Variants in CEP192 observed in about 807,000 individuals in gnomAD.
The protein encoded by CEP192 is centrosomal protein 192, also known as centrosomal protein of 192 kDa.
Under a neutral mutation model 271.8 loss-of-function variants are expected in CEP192, and 151 were observed. The observed-to-expected ratio is 0.56, with a 90% CI of 0.49 to 0.64. The LOEUF (loss-of-function observed/expected upper bound fraction) is 0.64, where lower values mean the gene tolerates loss of function less well. Ranked by LOEUF, CEP192 falls within the 30% of genes least tolerant of loss-of-function variation. The probability of loss-of-function intolerance (pLI) is 0.00; values close to 1 mark genes in which losing one functional copy is unlikely to be tolerated. For synonymous variants in CEP192, 995 were observed against 1,076.5 expected, an observed-to-expected ratio of 0.92 and a Z score of 1.48; for missense variants, 2,910 against 3,020.5, an observed-to-expected ratio of 0.96 and a Z score of 0.86.
chr18:13,054,867 C>T (rs2036997780), intron 18 of CEP192, among the ~76,000 whole-genome samples: 1 of 152,202 alleles, frequency 6.6e-6, no homozygotes, highest in Non-Finnish European at 1.5e-5. Context: ...GATGTCACTC[C>T]TCAGATTATG....
At chr18:13,095,828 C>T (rs1011079881) in intron 35 of CEP192, 147 bp downstream of exon 35, 4 of 711,334 alleles carry the variant, frequency 5.6e-6, no homozygotes, top group Middle Eastern at 4.0e-4. Context: ...TGTTGGAGAC[C>T]CCACTCAGAC....
chr18:13,082,060 G>A (rs923843848), intron 30 of CEP192, among the ~76,000 whole-genome samples: 5 of 152,206 alleles, frequency 3.3e-5, no homozygotes, highest in Admixed American at 3.3e-4. Flanking sequence ...GTGATGTGGT[G>A]CTGAGAAGAA....
chr18:13,112,768 GTTA>G lies in CEP192; in HGVS notation c.7048-813_7048-811del, dbSNP rs554545714. Reference sequence around the variant, plus strand: ...AAAGCCTTGAGCTCAGGCTGGCTGGGTTATTATGTTTAAGGTTCTGCGTGGGCA... The same window carrying G: ...AAAGCCTTGAGCTCAGGCTGGCTGGGTTATGTTTAAGGTTCTGCGTGGGCA... On this transcript the variant is annotated intron_variant, in intron 40 of 44. Coordinates refer to ENST00000506447, the MANE Select transcript of CEP192 (RefSeq NM_032142.4). 6.8e-4 allele frequency among the ~76,000 whole-genome samples: 104 copies of G among 152,276 alleles called. 1 individual carries two copies. The South Asian group carries it at 0.013, about 19-fold the overall frequency.
intron 42 of CEP192, among the ~76,000 whole-genome samples, chr18:13,115,343 G>A (rs910028565): frequency 6.6e-6 from 1 of 152,196 alleles, no homozygotes; most frequent in Non-Finnish European, 1.5e-5. Context: ...CCCTGAAAGG[G>A]GACATTTAAG....
At chr18:13,108,394 C>T (rs2144999380) in intron 40 of CEP192, among the ~76,000 whole-genome samples, 1 of 152,260 alleles carries the variant, frequency 6.6e-6, no homozygotes, top group South Asian at 2.1e-4. Flanking sequence ...AAAACATTCA[C>T]AAACTATTCA....
chr18:13,039,509 C>G (rs144242847), intron 13 of CEP192, among the ~76,000 whole-genome samples: 2 of 151,964 alleles, frequency 1.3e-5, no homozygotes, highest in East Asian at 1.9e-4. Context: ...AGACTTTTCC[C>G]TCCATTAGTG....
chr18:13,112,849 G>A (rs1246813105), intron 40 of CEP192, among the ~76,000 whole-genome samples: 1 of 152,210 alleles, frequency 6.6e-6, no homozygotes, highest in Non-Finnish European at 1.5e-5. Context: ...CAGGAATACT[G>A]ATTTGTTGTT....
At chr18:13,005,152 G>A (rs1292612024) in intron 3 of CEP192, among the ~76,000 whole-genome samples, 7 of 152,134 alleles carry the variant, frequency 4.6e-5, no homozygotes, top group African/African-American at 7.2e-5. Context: ...ATGATGCCAC[G>A]GCTGTGGGAG....
intron 9 of CEP192, among the ~76,000 whole-genome samples, chr18:13,028,525 T>G (rs2035432565): frequency 6.6e-6 from 1 of 152,216 alleles, no homozygotes; most frequent in African/African-American, 2.4e-5. Context: ...TTTATTTTAT[T>G]TATTTATTTT....
rs1259267133 is a variant in CEP192 at position 13,024,138 on chromosome 18, T to G, written c.1050+4932T>G. ...TCATCTATTTCTCTTTGTAGTTCTA[T>G]TAGTTTTTACTACCTGTATTTTGAT... On this transcript the variant is annotated intron_variant, in intron 9 of 44. Transcript: ENST00000506447. Among the ~76,000 whole-genome samples the G allele has an allele frequency of 2.0e-5, 3 of 152,228 alleles. 1 individual carries two copies. The South Asian group carries it at 6.2e-4, about 32-fold the overall frequency.
chr18:13,094,956 A>T (rs2039319853), intron 34 of CEP192, among the ~76,000 whole-genome samples: 1 of 152,182 alleles, frequency 6.6e-6, no homozygotes, highest in Non-Finnish European at 1.5e-5. Flanking sequence ...TGTCTCCCTG[A>T]GCCCAGTGCT....
chr18:13,029,880 TG>T lies in CEP192; in HGVS notation c.1270del (p.Asp424MetfsTer2), dbSNP rs1275165085. 5.2e-6 allele frequency: 8 copies of T among 1,551,606 alleles called. No homozygotes were observed. The highest frequency in any genetic ancestry group is 7.0e-6 in the Non-Finnish European group (8 of 1,146,982). On this transcript the variant is annotated frameshift_variant, in exon 10 of 45. Transcript: ENST00000506447. LOFTEE classifies it high-confidence loss of function. ...CCTACGGTGTCCATTCAAGAAAATG[TG>T]GATGTAGCCTCTTTGAAGCCCATTA... ...ETPTVSIQEN[V>X]DVASLKPISD...
chr18:13,028,644 C>G lies in CEP192; in HGVS notation c.1051-1019C>G, dbSNP rs566179337. ...AAGTGATTCTCTTGCCTCAGCCTCC[C>G]GAGTAGCTGGGATTACAGGTGCCCG... On this transcript the variant is annotated intron_variant, in intron 9 of 44. Coordinates refer to ENST00000506447, the MANE Select transcript of CEP192 (RefSeq NM_032142.4). Among the ~76,000 whole-genome samples the G allele has an allele frequency of 6.6e-5, 10 of 152,246 alleles. No individual in the cohort carries two copies. The South Asian group carries it at 2.1e-3, about 32-fold the overall frequency.
chr18:13,053,932 TC>T (rs1490783645), intron 18 of CEP192, among the ~76,000 whole-genome samples: 1 of 152,204 alleles, frequency 6.6e-6, no homozygotes, highest in Non-Finnish European at 1.5e-5. Flanking sequence ...GCTCAGGTGT[TC>T]CTTCTGCCTC....
intron 14 of CEP192, among the ~76,000 whole-genome samples, chr18:13,041,635 G>C (rs180977117): frequency 6.8e-6 from 1 of 147,800 alleles, no homozygotes; most frequent in East Asian, 2.0e-4. Flanking sequence ...GCGTGATCTC[G>C]GCTCACTGCA....
chr18:13,033,045 G>C (rs886692263), intron 11 of CEP192, among the ~76,000 whole-genome samples: 1 of 152,192 alleles, frequency 6.6e-6, no homozygotes, highest in South Asian at 2.1e-4. Context: ...GGTGGTTTGG[G>C]TACTGGCAGT....
chr18:13,034,820 TAAAAAA>T (rs33997079), intron 11 of CEP192, among the ~76,000 whole-genome samples: 2 of 104,542 alleles, frequency 1.9e-5, no homozygotes, highest in South Asian at 3.4e-4. Flanking sequence ...CTCTGTCTCA[TAAAAAA>T]AAAAAAAAAA....
intron 19 of CEP192, 50 bp downstream of exon 19, chr18:13,056,748 G>T: frequency 7.0e-7 from 1 of 1,422,576 alleles, no homozygotes; most frequent in Non-Finnish European, 9.6e-7. Flanking sequence ...TTTCTCAAAT[G>T]ACACCACAAA....
At chr18:13,001,391 G>T in intron 2 of CEP192, 66 bp from the exon 3 acceptor site, 1 of 1,190,962 alleles carries the variant, frequency 8.4e-7, no homozygotes. Flanking sequence ...GCAGCCCTAT[G>T]TCATGATGAC....
Sources: allele counts gnomAD v4.1 joint callset (sites outside exome capture counted in the v4.1 genomes callset), GRCh38; gene constraint gnomAD v4.1.1; transcripts MANE v1.5; gene names NCBI Gene and HGNC (gene_info 2026-07-23, HGNC 2026-07-21).